Variants in DNAH7 observed in about 807,000 individuals in gnomAD.
The protein encoded by DNAH7 is dynein axonemal heavy chain 7.
A neutral mutation model predicts 444.6 loss-of-function variants in DNAH7; 397 were observed. The ratio of observed to expected loss-of-function variants is 0.89; its 90% confidence interval spans 0.82 to 0.97. The LOEUF is 0.97. Ranked by LOEUF, DNAH7 falls within the 50% of genes least tolerant of loss-of-function variation. The pLI, the probability that DNAH7 is intolerant of heterozygous loss-of-function variation, is 0.00. For missense variants in DNAH7, 4,902 were observed against 4,800.8 expected (o/e 1.02, Z -0.62); for synonymous variants, 1,636 against 1,624.4 (o/e 1.01, Z -0.17).
At chr2:195,917,355 C>T (rs1005359562) in intron 24 of DNAH7, among the ~76,000 whole-genome samples, 2 of 152,108 alleles carry the variant, frequency 1.3e-5, no homozygotes, top group African/African-American at 4.8e-5. Flanking sequence ...ATGGGTACAA[C>T]TCCAGTAAAC....
intron 32 of DNAH7, 69 bp from the exon 33 acceptor site, chr2:195,888,503 G>T: frequency 6.9e-7 from 1 of 1,449,786 alleles, no homozygotes; most frequent in Non-Finnish European, 9.2e-7. Context: ...TGGCACCTCT[G>T]TTTTTTTATA....
intron 1 of DNAH7, among the ~76,000 whole-genome samples, chr2:196,060,059 C>CA (rs1698051061): frequency 6.6e-6 from 1 of 152,008 alleles, no homozygotes; most frequent in South Asian, 2.1e-4. Context: ...ACTAAAAATA[C>CA]AAAAAACAAT....
At chr2:195,805,253 A>C (rs1249901389) in intron 54 of DNAH7, among the ~76,000 whole-genome samples, 3 of 152,048 alleles carry the variant, frequency 2.0e-5, no homozygotes, top group Non-Finnish European at 4.4e-5. Context: ...TAAAACACGA[A>C]CTTTTTTTTT....
chr2:195,996,179 T>C (rs755427759), intron 12 of DNAH7, among the ~76,000 whole-genome samples: 3 of 152,202 alleles, frequency 2.0e-5, no homozygotes, highest in African/African-American at 4.8e-5. Context: ...GAAATCTATC[T>C]AGATCAAAGA....
intron 57 of DNAH7, among the ~76,000 whole-genome samples, chr2:195,792,792 G>C (rs770544631): frequency 4.6e-5 from 7 of 152,002 alleles, no homozygotes; most frequent in Non-Finnish European, 1.0e-4. Context: ...ACCTGATGTG[G>C]GGGCAGGGGA....
At chr2:195,830,467 T>G (rs1194515038) in intron 48 of DNAH7, among the ~76,000 whole-genome samples, 1 of 152,238 alleles carries the variant, frequency 6.6e-6, no homozygotes, top group African/African-American at 2.4e-5. Flanking sequence ...CTACAACTTA[T>G]GTTCAACTCT....
At chr2:196,058,330 T>C (rs575002729) in intron 1 of DNAH7, among the ~76,000 whole-genome samples, 16 of 152,198 alleles carry the variant, frequency 1.1e-4, no homozygotes, top group African/African-American at 3.4e-4. Flanking sequence ...TCCAGGTAGG[T>C]TGCAGGATAC....
At chr2:196,066,950 A>C (rs1163662969) in intron 1 of DNAH7, among the ~76,000 whole-genome samples, 1 of 152,250 alleles carries the variant, frequency 6.6e-6, no homozygotes, top group East Asian at 1.9e-4. Context: ...ATTAGTTTTT[A>C]AATTACAAAT....
intron 48 of DNAH7, among the ~76,000 whole-genome samples, chr2:195,826,427 AT>A (rs1697755170): frequency 6.6e-6 from 1 of 152,240 alleles, no homozygotes; most frequent in Non-Finnish European, 1.5e-5. Flanking sequence ...ATAAATCAAA[AT>A]AAATTTTTCA....
chr2:195,878,254 C>T (rs1701169995), intron 36 of DNAH7, among the ~76,000 whole-genome samples: 1 of 152,050 alleles, frequency 6.6e-6, no homozygotes, highest in Admixed American at 6.6e-5. Context: ...ACAGTGGAAG[C>T]CATATGGTAG....
intron 24 of DNAH7, among the ~76,000 whole-genome samples, chr2:195,915,315 T>C (rs1441732954): frequency 6.6e-6 from 1 of 152,150 alleles, no homozygotes; most frequent in Non-Finnish European, 1.5e-5. Flanking sequence ...GTTGTATTTA[T>C]TGAGGAACAA....
intron 1 of DNAH7, among the ~76,000 whole-genome samples, chr2:196,067,614 T>C (rs1344644736): frequency 6.6e-6 from 1 of 152,196 alleles, no homozygotes; most frequent in African/African-American, 2.4e-5. Context: ...TTTCAGGTAT[T>C]AATTACTTAT....
intron 16 of DNAH7, among the ~76,000 whole-genome samples, chr2:195,971,117 T>G (rs1691810400): frequency 6.6e-6 from 1 of 152,146 alleles, no homozygotes; most frequent in Non-Finnish European, 1.5e-5. Context: ...AATGAAGAGT[T>G]TTTTAAGCCT....
intron 21 of DNAH7, among the ~76,000 whole-genome samples, chr2:195,930,216 G>A (rs895573811): frequency 2.0e-5 from 3 of 152,112 alleles, no homozygotes; most frequent in East Asian, 1.9e-4. Context: ...GGTGGCGCAC[G>A]CCTGTAGTAC....
At chr2:195,777,056 C>T (rs1324085274) in intron 59 of DNAH7, among the ~76,000 whole-genome samples, 1 of 152,144 alleles carries the variant, frequency 6.6e-6, no homozygotes, top group African/African-American at 2.4e-5. Flanking sequence ...AACATCTGCC[C>T]TTGGCTAGCA....
At chr2:195,844,976 A>G (rs1698900047) in intron 47 of DNAH7, 26 bp downstream of exon 47, 4 of 1,598,788 alleles carry the variant, frequency 2.5e-6, no homozygotes, top group Admixed American at 1.7e-5. Context: ...AATAAAGACC[A>G]TTTGTGAGAA....
intron 19 of DNAH7, among the ~76,000 whole-genome samples, chr2:195,955,751 T>G (rs566659871): frequency 2.8e-4 from 42 of 152,288 alleles, no homozygotes; most frequent in African/African-American, 9.9e-4. Flanking sequence ...ATTTAATTTT[T>G]TAAATATACT....
In DNAH7 at chr2:196,065,026, T is replaced by C. The variant is rs375090723; in HGVS notation, c.15+3671A>G. ...TCCCTTTAATTCCATTGGTTTATTA[T>C]CCATAAAAAAATTTGTATTATATTG... On this transcript the variant is annotated intron_variant, in intron 1 of 64. Coordinates refer to ENST00000312428, the MANE Select transcript of DNAH7 (RefSeq NM_018897.3). Among the ~76,000 whole-genome samples the C allele has an allele frequency of 3.9e-4, 59 of 152,334 alleles. 1 individual carries two copies. In the East Asian group the frequency reaches 9.4e-3, roughly 24 times the overall value.
At chr2:195,960,220 G>C (rs914162033) in intron 18 of DNAH7, 40 bp downstream of exon 18, 11 of 1,487,370 alleles carry the variant, frequency 7.4e-6, no homozygotes, top group Middle Eastern at 1.8e-4. Flanking sequence ...AGTGATTTTG[G>C]TAACATAGCA....
Sources: gnomAD v4.1 joint callset for allele counts (sites outside exome capture counted in the v4.1 genomes callset) on GRCh38, gnomAD v4.1.1 for gene constraint, MANE v1.5 for transcripts, NCBI Gene and HGNC (gene_info 2026-07-23, HGNC 2026-07-21) for gene names.